NR3C2: variants seen among roughly 807,000 people sequenced by gnomAD.
NR3C2 encodes nuclear receptor subfamily 3 group C member 2.
NR3C2 carries 15 observed loss-of-function variants against 86.4 expected under a neutral mutation model. The observed-to-expected ratio is 0.17, with a 90% CI of 0.12 to 0.27. The LOEUF is 0.27. Among genes scored for constraint, NR3C2 ranks in the 10% least tolerant of loss-of-function variants. NR3C2 has a pLI of 1.00. For missense variants in NR3C2, 960 were observed against 1,195.6 expected, an observed-to-expected ratio of 0.80 and a Z score of 2.91; for synonymous variants, 458 against 450.5, an observed-to-expected ratio of 1.02 and a Z score of -0.21.
intron 2 of NR3C2, among the ~76,000 whole-genome samples, chr4:148,338,514 G>A (rs1383215334): frequency 6.6e-6 from 1 of 152,078 alleles, no homozygotes; most frequent in East Asian, 1.9e-4. Context: ...ATCTAGGATT[G>A]GTTTATTCAT....
At chr4:148,257,181 G>C (rs1347432888) in intron 3 of NR3C2, among the ~76,000 whole-genome samples, 1 of 152,104 alleles carries the variant, frequency 6.6e-6, no homozygotes, top group Non-Finnish European at 1.5e-5. Context: ...GTAATCTAAC[G>C]AGGGGCTTAG....
intron 4 of NR3C2, among the ~76,000 whole-genome samples, chr4:148,167,024 C>T (rs1734911720): frequency 6.6e-6 from 1 of 152,146 alleles, no homozygotes; most frequent in Non-Finnish European, 1.5e-5. Flanking sequence ...AATTGTTTGC[C>T]ACTTCCTTGT....
chr4:148,080,800 G>T lies in NR3C2; in HGVS notation c.*544C>A. The T allele has an allele frequency of 2.4e-6, 1 of 424,946 alleles. No homozygotes were observed. The highest frequency in any genetic ancestry group is 4.9e-6 in the Non-Finnish European group (1 of 206,156). 26.3% of individuals were successfully genotyped at this position (424,946 alleles called of 1,614,324 possible). A position where few individuals can be genotyped will look rare whatever the true frequency, so the allele number is the denominator to read the frequency against. On this transcript the variant is annotated 3_prime_UTR_variant, in exon 9 of 9. Transcript: ENST00000358102. ...GATGCAGAAGACCGTGGACGAGCGA[G>T]GGCTCAGAGGCAGCTGCTGCCCCAC...
chr4:148,260,038 A>G lies in NR3C2; in HGVS notation c.1837T>C (p.Cys613Arg). 1 of 1,614,184 alleles carries G rather than the reference A, an allele frequency of 6.2e-7. No homozygotes were observed. The highest frequency in any genetic ancestry group is 8.5e-7 in the Non-Finnish European group (1 of 1,180,020). ...CLVCGDEASG[C>R]HYGVVTCGSC... The stretch of plus-strand genomic sequence containing the variant: ...CCACAGGTGACTACCCCATAATGGC[A>G]TCCTGAAGCCTCATCCCCACACACC... Residue 613 changes from cysteine (C) to arginine (R), a missense_variant, in exon 3 of 9, where the codon TGC (cysteine) becomes CGC (arginine). By Grantham distance (180) the Cys-to-Arg change is radical. This residue lies in a region of NR3C2 where 47 missense variants were observed against 107.3 expected (regional missense o/e 0.44). Coordinates refer to ENST00000358102, the MANE Select transcript of NR3C2 (RefSeq NM_000901.5).
chr4:148,442,385 A>G lies in NR3C2; in HGVS notation c.-228T>C, dbSNP rs553066220. 4.1e-4 allele frequency: 62 copies of G among 152,552 alleles called. No homozygotes were observed. Among genetic ancestry groups the G allele is most frequent in the Middle Eastern group, 3.4e-3 (1 of 298 alleles). 9.4% of individuals were successfully genotyped at this position (152,552 alleles called of 1,614,324 possible). ...AGTTGGCTCCCGTCTCCCGGGCCCA[A>G]TGACACCCCGGGCGCGGAGGGGCTG... On this transcript the variant is annotated 5_prime_UTR_variant, in exon 1 of 9. Coordinates refer to ENST00000358102, the MANE Select transcript of NR3C2 (RefSeq NM_000901.5).
chr4:148,210,113 T>G (rs3846306), intron 3 of NR3C2, among the ~76,000 whole-genome samples: 37,907 of 152,074 alleles, frequency 0.25, 5,593 homozygotes, highest in East Asian at 0.58. Flanking sequence ...AGTCTCTTTT[T>G]GCTAATGAGA....
chr4:148,397,267 C>T (rs1371724830), intron 2 of NR3C2, among the ~76,000 whole-genome samples: 2 of 152,230 alleles, frequency 1.3e-5, no homozygotes, highest in Non-Finnish European at 2.9e-5. Flanking sequence ...AAGGCCTCTG[C>T]CTGGGATGTA....
At chr4:148,367,315 T>C (rs1579212837) in intron 2 of NR3C2, among the ~76,000 whole-genome samples, 1 of 152,210 alleles carries the variant, frequency 6.6e-6, no homozygotes, top group East Asian at 1.9e-4. Flanking sequence ...TACATATACT[T>C]TTGGCATACG....
At chr4:148,376,426 TTGTAGAAAGAAAG>T (rs1746683973) in intron 2 of NR3C2, among the ~76,000 whole-genome samples, 1 of 152,124 alleles carries the variant, frequency 6.6e-6, no homozygotes, top group African/African-American at 2.4e-5. Flanking sequence ...GTTTCAAATA[TTGTAGAAAGAAAG>T]AAGGAATGTA....
At chr4:148,282,273 G>A (rs1316693010) in intron 2 of NR3C2, among the ~76,000 whole-genome samples, 5 of 152,074 alleles carry the variant, frequency 3.3e-5, no homozygotes, top group Non-Finnish European at 5.9e-5. Flanking sequence ...CAAGTGATCC[G>A]CCTGCCTTGG....
In NR3C2 at chr4:148,184,278, A is replaced by G. The variant is rs554464068; in HGVS notation, c.2014+10468T>C. On this transcript the variant is annotated intron_variant, in intron 4 of 8. Coordinates refer to ENST00000358102, the MANE Select transcript of NR3C2 (RefSeq NM_000901.5). ...AGCCTGGCCAACATGGTGAAACCCC[A>G]ACTCTACTAAAAATACAAAAAAAAA... Among the ~76,000 whole-genome samples the G allele has an allele frequency of 7.9e-3, 1,094 of 138,908 alleles. 7 individuals carry two copies. The highest frequency in any genetic ancestry group is 0.012 in the Non-Finnish European group (776 of 63,354). 91.1% of individuals were successfully genotyped at this position (138,908 alleles called of 152,430 possible).
intron 2 of NR3C2, among the ~76,000 whole-genome samples, chr4:148,426,622 T>C (rs1293749697): frequency 2.0e-5 from 3 of 152,244 alleles, no homozygotes; most frequent in Admixed American, 6.5e-5. Context: ...TTCATTAGGA[T>C]GCGTTGTTCA....
At chr4:148,326,285 C>T (rs1405351895) in intron 2 of NR3C2, among the ~76,000 whole-genome samples, 2 of 151,502 alleles carry the variant, frequency 1.3e-5, no homozygotes, top group African/African-American at 4.9e-5. Context: ...CCTGTAGTCC[C>T]AGCTACTCAG....
At chr4:148,178,948 CA>C (rs1057288181) in intron 4 of NR3C2, among the ~76,000 whole-genome samples, 5 of 125,412 alleles carry the variant, frequency 4.0e-5, no homozygotes, top group South Asian at 2.8e-4. Context: ...AAAAAAAAAA[CA>C]AAAAAAAACA....
chr4:148,388,392 T>C (rs866878728), intron 2 of NR3C2, among the ~76,000 whole-genome samples: 2 of 152,220 alleles, frequency 1.3e-5, no homozygotes, highest in African/African-American at 2.4e-5. Context: ...GGCGTCACAT[T>C]GGCGCTCAAA....
intron 2 of NR3C2, among the ~76,000 whole-genome samples, chr4:148,314,868 A>C (rs767451475): frequency 3.9e-5 from 6 of 152,220 alleles, no homozygotes; most frequent in Non-Finnish European, 7.3e-5. Context: ...ATAATTACAC[A>C]ATGAACTTTA....
At chr4:148,264,871 A>G (rs1740297254) in intron 2 of NR3C2, among the ~76,000 whole-genome samples, 1 of 152,232 alleles carries the variant, frequency 6.6e-6, no homozygotes, top group Admixed American at 6.5e-5. Flanking sequence ...TCAGCTAATT[A>G]TATAACACTT....
At chr4:148,188,541 G>A (rs1323248818) in intron 4 of NR3C2, among the ~76,000 whole-genome samples, 1 of 152,130 alleles carries the variant, frequency 6.6e-6, no homozygotes, top group Non-Finnish European at 1.5e-5. Flanking sequence ...CTTGGTTGCT[G>A]TTGGTGTATA....
intron 2 of NR3C2, among the ~76,000 whole-genome samples, chr4:148,406,618 G>A (rs1214080425): frequency 1.3e-5 from 2 of 152,090 alleles, no homozygotes; most frequent in Non-Finnish European, 2.9e-5. Flanking sequence ...GCCAGGCCAG[G>A]GTCTTGCAGG....
Sources: gnomAD v4.1 joint callset for allele counts (sites outside exome capture counted in the v4.1 genomes callset) on GRCh38, gnomAD v4.1.1 for gene constraint, gnomAD v4.1.1 regional missense constraint, MANE v1.5 for transcripts, NCBI Gene and HGNC (gene_info 2026-07-23, HGNC 2026-07-21) for gene names.